The following KYNU variants were observed in gnomAD, a reference collection of about 807,000 sequenced individuals.
The protein encoded by KYNU is kynureninase.
KYNU carries 54 observed loss-of-function variants against 59.2 expected under a neutral mutation model. The ratio of observed to expected loss-of-function variants is 0.91; its 90% confidence interval spans 0.73 to 1.14. KYNU has a LOEUF of 1.14. Among genes scored for constraint, KYNU ranks in the 50% most tolerant of loss-of-function variants. The probability of loss-of-function intolerance (pLI) is 0.00; values close to 1 mark genes in which losing one functional copy is unlikely to be tolerated. For synonymous variants in KYNU, 177 were observed against 192.0 expected, an observed-to-expected ratio of 0.92 and a Z score of 0.65; for missense variants, 567 against 554.4, an observed-to-expected ratio of 1.02 and a Z score of -0.23.
intron 2 of KYNU, among the ~76,000 whole-genome samples, chr2:142,903,214 G>C (rs187988798): frequency 1.3e-5 from 2 of 152,064 alleles, no homozygotes; most frequent in Non-Finnish European, 2.9e-5. Flanking sequence ...CGGGTCTAAG[G>C]GGGTACTGCC....
intron 2 of KYNU, among the ~76,000 whole-genome samples, chr2:142,888,795 C>G (rs1483147854): frequency 6.6e-6 from 1 of 150,728 alleles, no homozygotes; most frequent in Non-Finnish European, 1.5e-5. Flanking sequence ...AGTTACCCTA[C>G]TCGAGACACT....
Position 143,011,107 on chromosome 2 carries a change from C to T in KYNU, c.903-18520C>T, listed in dbSNP as rs1686083207. Among the ~76,000 whole-genome samples the T allele has an allele frequency of 3.4e-5, 5 of 146,156 alleles. 1 individual carries two copies. In the South Asian group the frequency reaches 1.2e-3, roughly 34 times the overall value. On this transcript the variant is annotated intron_variant, in intron 10 of 13. Transcript: ENST00000264170. ...AGCTTCTGCACAGCCAAAGAAACTA[C>T]CATCAGAGTGAACAGGCAACCTACA...
At chr2:142,946,961 G>T in intron 4 of KYNU, 3 of 1,321,302 alleles carry the variant, frequency 2.3e-6, no homozygotes, top group Non-Finnish European at 3.1e-6. Context: ...GTTTCACCTT[G>T]TACTTTTTGT....
At chr2:142,883,740 C>G (rs56753383) in intron 1 of KYNU, among the ~76,000 whole-genome samples, 2,444 of 152,286 alleles carry the variant, frequency 0.016, 64 homozygotes, top group African/African-American at 0.056. Context: ...CTTCCACACT[C>G]CAGTGACTCT....
At chr2:143,006,728 C>T (rs1008671388) in intron 10 of KYNU, among the ~76,000 whole-genome samples, 1 of 151,790 alleles carries the variant, frequency 6.6e-6, no homozygotes, top group East Asian at 1.9e-4. Flanking sequence ...CAGACTGCCT[C>T]CTCAAGTGGG....
Position 142,952,010 on chromosome 2 carries a change from T to C in KYNU, c.374-2800T>C, listed in dbSNP as rs533304382. On this transcript the variant is annotated intron_variant, in intron 4 of 13. Coordinates refer to ENST00000264170, the MANE Select transcript of KYNU (RefSeq NM_003937.3). ...GCATCACATTCCCAAGCCAGAAAAA[T>C]TTTAGGTGATTCAAAATGAACACTG... Among the ~76,000 whole-genome samples the C allele has an allele frequency of 2.7e-4, 41 of 152,138 alleles. No homozygotes were observed. The South Asian group carries it at 7.9e-3, about 29-fold the overall frequency.
intron 4 of KYNU, among the ~76,000 whole-genome samples, chr2:142,954,280 A>G (rs1357626642): frequency 6.6e-6 from 1 of 152,104 alleles, no homozygotes; most frequent in East Asian, 1.9e-4. Context: ...AATAAATGTC[A>G]GAGCTATTTG....
At chr2:143,027,105 C>A in intron 10 of KYNU, among the ~76,000 whole-genome samples, 1 of 152,160 alleles carries the variant, frequency 6.6e-6, no homozygotes, top group East Asian at 1.9e-4. Context: ...TCCTGGGGAC[C>A]TACTCTTTTC....
chr2:142,999,105 G>A (rs182548312), intron 10 of KYNU, among the ~76,000 whole-genome samples: 6 of 150,786 alleles, frequency 4.0e-5, no homozygotes, highest in East Asian at 1.9e-4. Flanking sequence ...CCCCAAACCC[G>A]GAAGTAGTCT....
chr2:142,918,761 A>T (rs777420289), intron 3 of KYNU, 32 bp downstream of exon 3: 7 of 1,597,994 alleles, frequency 4.4e-6, no homozygotes, highest in South Asian at 2.2e-5. Flanking sequence ...ACTACTCTAC[A>T]TCTCATACAA....
At chr2:142,990,407 A>G (rs1480058949) in intron 10 of KYNU, among the ~76,000 whole-genome samples, 1 of 151,830 alleles carries the variant, frequency 6.6e-6, no homozygotes, top group Non-Finnish European at 1.5e-5. Flanking sequence ...GGACTATTTA[A>G]CCTTTCAACT....
chr2:142,881,058 T>A (rs1344972394), intron 1 of KYNU, among the ~76,000 whole-genome samples: 1 of 152,218 alleles, frequency 6.6e-6, no homozygotes. Flanking sequence ...CTAACAGGCC[T>A]CTTGAAAAAA....
At chr2:142,998,527 A>G (rs1685612292) in intron 10 of KYNU, among the ~76,000 whole-genome samples, 1 of 152,194 alleles carries the variant, frequency 6.6e-6, no homozygotes, top group Admixed American at 6.5e-5. Context: ...GGTTTTAAAC[A>G]GCGCTTATTT....
chr2:142,947,860 A>G (rs1467275022), intron 4 of KYNU: 1 of 152,232 alleles, frequency 6.6e-6, no homozygotes, highest in African/African-American at 2.4e-5. Flanking sequence ...CAGTATAGCT[A>G]TAGGCTGAAA....
Position 143,028,256 on chromosome 2 carries a change from T to C in KYNU, c.903-1371T>C, listed in dbSNP as rs551611426. On this transcript the variant is annotated intron_variant, in intron 10 of 13. Transcript: ENST00000264170. ...TTATTTTACATTCTTTTTTTTTTTT[T>C]TTTTTTTGAGATGGAGTCTCACTCT... Among the ~76,000 whole-genome samples the C allele has an allele frequency of 2.2e-4, 31 of 141,180 alleles. No individual in the cohort carries two copies. The South Asian group carries it at 7.1e-3, about 32-fold the overall frequency. The allele number at this position is 141,180 out of a possible 152,430, so 92.6% of individuals were successfully genotyped here.
At chr2:143,001,508 G>A (rs184188677) in intron 10 of KYNU, among the ~76,000 whole-genome samples, 1 of 152,188 alleles carries the variant, frequency 6.6e-6, no homozygotes, top group Non-Finnish European at 1.5e-5. Flanking sequence ...CTGTAGAGTT[G>A]TTAAACCATT....
At chr2:143,015,869 C>A (rs559148886) in intron 10 of KYNU, among the ~76,000 whole-genome samples, 1 of 152,206 alleles carries the variant, frequency 6.6e-6, no homozygotes, top group Non-Finnish European at 1.5e-5. Context: ...TCAGTTTCAA[C>A]AGTGAAATTC....
intron 10 of KYNU, among the ~76,000 whole-genome samples, chr2:143,018,690 T>C (rs1046729060): frequency 6.6e-6 from 1 of 152,172 alleles, no homozygotes. Flanking sequence ...TGTTGGTAGC[T>C]TGATATAGGA....
chr2:142,985,474 T>G (rs1016933003), intron 9 of KYNU, among the ~76,000 whole-genome samples: 12 of 151,954 alleles, frequency 7.9e-5, no homozygotes, highest in Non-Finnish European at 1.5e-4. Flanking sequence ...GATCATCTTT[T>G]TAGTTTTTTT....
Sources: gnomAD v4.1 joint callset for allele counts (sites outside exome capture counted in the v4.1 genomes callset) on GRCh38, gnomAD v4.1.1 for gene constraint, MANE v1.5 for transcripts, NCBI Gene and HGNC (gene_info 2026-07-23, HGNC 2026-07-21) for gene names.